Variants in DRICH1 observed in about 807,000 individuals in gnomAD.
DRICH1 encodes the protein aspartate rich 1.
DRICH1 carries 38 observed loss-of-function variants against 39.5 expected under a neutral mutation model. That is an observed-to-expected ratio of 0.96 (90% CI 0.74 to 1.26). DRICH1 has a LOEUF of 1.26. Ranked by LOEUF, DRICH1 falls within the 50% of genes most tolerant of loss-of-function variation. DRICH1 has a pLI of 0.00. For missense variants in DRICH1, 279 were observed against 270.4 expected, an observed-to-expected ratio of 1.03 and a Z score of -0.22; for synonymous variants, 84 against 99.5, an observed-to-expected ratio of 0.84 and a Z score of 0.93.
the DRICH1 span, among the ~76,000 whole-genome samples, chr22:23,595,563 A>T: frequency 6.6e-6 from 1 of 152,226 alleles, no homozygotes; most frequent in Non-Finnish European, 1.5e-5. Context: ...AATGTATCCT[A>T]AAATTAAGTA....
At chr22:23,582,555 C>CTTATTATTA in the DRICH1 span, among the ~76,000 whole-genome samples, 3,782 of 143,866 alleles carry the variant, frequency 0.026, 122 homozygotes, top group Middle Eastern at 0.086. Flanking sequence ...CCTTCAGGGG[C>CTTATTATTA]TTATTATTAT....
At chr22:23,585,783 G>A in the DRICH1 span, among the ~76,000 whole-genome samples, 2 of 152,196 alleles carry the variant, frequency 1.3e-5, no homozygotes, top group African/African-American at 4.8e-5. Context: ...GCCTCCTAAA[G>A]TTCTGGGATT....
rs1927492738 is a variant in DRICH1, at chr22:23,618,280, A to G, written c.437-623T>C. 2.0e-5 allele frequency among the ~76,000 whole-genome samples: 3 copies of G among 151,546 alleles called. No homozygotes were observed. In the South Asian group the frequency reaches 6.3e-4, roughly 32 times the overall value. On this transcript the variant is annotated intron_variant, in intron 6 of 11. Coordinates refer to ENST00000317749, the MANE Select transcript of DRICH1 (RefSeq NM_016449.4). ...AGGCACCCACCACCACGTCTGGCTAATTTTTTTGTATTTTTAGTGGAGTTG... is the reference window on the plus strand; with the variant it reads ...AGGCACCCACCACCACGTCTGGCTAGTTTTTTTGTATTTTTAGTGGAGTTG...
In DRICH1 at chr22:23,616,692, C is replaced by T. The variant is rs546513493; in HGVS notation, c.541+161G>A. Among the ~76,000 whole-genome samples the T allele has an allele frequency of 2.0e-3, 310 of 152,300 alleles. 1 individual carries two copies. Among genetic ancestry groups the T allele is most frequent in the African/African-American group, 7.1e-3 (295 of 41,556 alleles). ...TCTCCTGGTTGGTCCTCTGGGTTCA[C>T]ACACATTTCTACAGCCCCTCTTCTC... On this transcript the variant is annotated intron_variant, in intron 8 of 11. Transcript: ENST00000317749.
chr22:23,616,064 C>T (rs1472912167), intron 8 of DRICH1, among the ~76,000 whole-genome samples: 1 of 152,184 alleles, frequency 6.6e-6, no homozygotes, highest in African/African-American at 2.4e-5. Flanking sequence ...GTCCTCCATG[C>T]CCAGGAAGAG....
At chr22:23,601,146 G>GCACACACA in the DRICH1 span, among the ~76,000 whole-genome samples, 3,247 of 146,190 alleles carry the variant, frequency 0.022, 71 homozygotes, top group African/African-American at 0.063. Flanking sequence ...ACGCACGCGC[G>GCACACACA]CACACACACA....
At position 23,632,240 on chromosome 22, in the gene DRICH1, A is replaced by G. The variant is rs1191462488; in HGVS notation, c.-217T>C. ...TGTCTTCTTTGAAAAATAAACGAAC[A>G]TGACAAGCACCCAAAGGTGCAAAAA... On this transcript the variant is annotated 5_prime_UTR_variant, in exon 1 of 12. An upstream start codon of the reference 5' UTR is lost. Coordinates refer to ENST00000317749, the MANE Select transcript of DRICH1 (RefSeq NM_016449.4). 2 of 724,544 alleles carry G rather than the reference A, an allele frequency of 2.8e-6. No individual in the cohort carries two copies. The highest frequency in any genetic ancestry group is 4.3e-6 in the Non-Finnish European group (2 of 460,730). 44.9% of individuals were successfully genotyped at this position (724,544 alleles called of 1,614,324 possible).
At chr22:23,599,871 C>T in the DRICH1 span, among the ~76,000 whole-genome samples, 82 of 152,276 alleles carry the variant, frequency 5.4e-4, 2 homozygotes, top group South Asian at 0.017. Context: ...CCCAGGGGAC[C>T]CCAGTGCCAC....
intron 6 of DRICH1, 113 bp from the exon 7 acceptor site, chr22:23,617,770 G>T (rs1319018384): frequency 2.0e-5 from 21 of 1,049,666 alleles, no homozygotes; most frequent in Non-Finnish European, 3.1e-5. Flanking sequence ...ACATGGACTG[G>T]TTAATGCTGG....
At chr22:23,617,508 T>C (rs879237364) in intron 7 of DRICH1, 67 bp downstream of exon 7, 214 of 1,541,320 alleles carry the variant, frequency 1.4e-4, no homozygotes, top group African/African-American at 1.2e-4. Context: ...TGGGATTGGA[T>C]TGGTGAGTTT....
At chr22:23,627,068 ATTTT>A (rs141545226) in intron 1 of DRICH1, among the ~76,000 whole-genome samples, 33,522 of 126,976 alleles carry the variant, frequency 0.26, 3,935 homozygotes, top group East Asian at 0.34. Flanking sequence ...TGAGGTTCTG[ATTTT>A]TTTTTTTTTT....
rs1220124363 is a variant in DRICH1 at position 23,632,028 on chromosome 22, C to T, written c.-5G>A. 3.7e-6 allele frequency: 6 copies of T among 1,611,856 alleles called. No individual in the cohort carries two copies. Among genetic ancestry groups the T allele is most frequent in the Non-Finnish European group, 4.2e-6 (5 of 1,179,414 alleles). On this transcript the variant is annotated 5_prime_UTR_variant, in exon 1 of 12. Transcript: ENST00000317749. The stretch of plus-strand genomic sequence containing the variant: ...ACAGGTCAGTATATTCCCCATGGGG[C>T]CTCTCCATGCCTCTCCACTCCTGCC...
chr22:23,614,383 G>A (rs1927228906), intron 8 of DRICH1, among the ~76,000 whole-genome samples, 169 bp from the exon 9 acceptor site: 1 of 152,184 alleles, frequency 6.6e-6, no homozygotes, highest in Admixed American at 6.5e-5. Context: ...AGGGAAGCAT[G>A]AAAGACATGA....
downstream of DRICH1, among the ~76,000 whole-genome samples, chr22:23,603,677 G>A (rs1926586187): frequency 6.6e-6 from 1 of 152,070 alleles, no homozygotes; most frequent in Non-Finnish European, 1.5e-5. Flanking sequence ...TGCTTGATCT[G>A]TGAGACCAGT....
the DRICH1 span, among the ~76,000 whole-genome samples, chr22:23,591,033 T>C: frequency 6.6e-5 from 10 of 152,212 alleles, no homozygotes; most frequent in African/African-American, 2.4e-4. Flanking sequence ...GGCATAAGGC[T>C]GTCTACTGTC....
At chr22:23,618,464 A>G (rs1602339648) in intron 6 of DRICH1, among the ~76,000 whole-genome samples, 1 of 152,126 alleles carries the variant, frequency 6.6e-6, no homozygotes, top group South Asian at 2.1e-4. Context: ...AAATATTAAA[A>G]TACTAAAATT....
intron 11 of DRICH1, among the ~76,000 whole-genome samples, chr22:23,613,012 T>C (rs1341429292): frequency 6.6e-6 from 1 of 152,088 alleles, no homozygotes; most frequent in African/African-American, 2.4e-5. Context: ...TGTTGACTAA[T>C]CCAAACCAAA....
intron 4 of DRICH1, among the ~76,000 whole-genome samples, chr22:23,621,801 C>A (rs1388782493): frequency 1.3e-5 from 2 of 152,186 alleles, no homozygotes; most frequent in East Asian, 1.9e-4. Flanking sequence ...GTAATCCCAG[C>A]TACCTGGGAG....
chr22:23,614,323 A>G, intron 8 of DRICH1, 109 bp from the exon 9 acceptor site: 1 of 769,410 alleles, frequency 1.3e-6, no homozygotes, highest in Admixed American at 2.0e-5. Context: ...ACAAGCATGG[A>G]CTGAGTTGAT....
Sources: allele counts gnomAD v4.1 joint callset (sites outside exome capture counted in the v4.1 genomes callset), GRCh38; gene constraint gnomAD v4.1.1; transcripts MANE v1.5; gene names NCBI Gene and HGNC (gene_info 2026-07-23, HGNC 2026-07-21).